The following PAPPA variants were observed in gnomAD, a reference collection of about 807,000 sequenced individuals.
The protein encoded by PAPPA is pappalysin 1.
Under a neutral mutation model 164.0 loss-of-function variants are expected in PAPPA, and 60 were observed. The observed-to-expected ratio is 0.37, with a 90% CI of 0.30 to 0.45. The LOEUF (loss-of-function observed/expected upper bound fraction) is 0.45. Ranked by LOEUF, PAPPA falls within the 20% of genes least tolerant of loss-of-function variation. PAPPA has a pLI of 1.00. For missense variants in PAPPA, 1,782 were observed against 2,087.3 expected, an observed-to-expected ratio of 0.85 and a Z score of 2.85; for synonymous variants, 875 against 814.1, an observed-to-expected ratio of 1.07 and a Z score of -1.27.
intron 5 of PAPPA, among the ~76,000 whole-genome samples, chr9:116,223,018 TCACAGTAC>T (rs1207473311): frequency 6.6e-6 from 1 of 152,210 alleles, no homozygotes; most frequent in African/African-American, 2.4e-5. Flanking sequence ...ACCTATTTGA[TCACAGTAC>T]CACATAAAAT....
chr9:116,170,135 G>T (rs1028074210), intron 1 of PAPPA, among the ~76,000 whole-genome samples: 2 of 151,998 alleles, frequency 1.3e-5, no homozygotes, highest in Admixed American at 6.6e-5. Flanking sequence ...TGCTTAAAGG[G>T]ATATATGTCC....
chr9:116,251,981 C>T (rs745320584), intron 7 of PAPPA, among the ~76,000 whole-genome samples: 1 of 152,128 alleles, frequency 6.6e-6, no homozygotes, highest in Non-Finnish European at 1.5e-5. Flanking sequence ...CCATTCTTTC[C>T]CTTCTATTTT....
rs752227959 is a variant in PAPPA at position 116,235,181 on chromosome 9, C to G, written c.2276C>G (p.Thr759Ser). The change falls in exon 7 of 22, where the codon ACC becomes AGC. Residue 759 changes from threonine to serine, a missense_variant. Thr to Ser is a moderately conservative substitution (Grantham distance 58). Coordinates refer to ENST00000328252, the MANE Select transcript of PAPPA (RefSeq NM_002581.5). ...VEQPCKSSVR[T>S]WSPNSAVNPH... ...CAGCCCTGTAAGTCCAGTGTCCGCA[C>G]CTGGAGCCCAAATTCAGCTGTCAAC... 7 of 1,614,108 alleles carry G rather than the reference C, an allele frequency of 4.3e-6. No homozygotes were observed. The highest frequency in any genetic ancestry group is 2.2e-5 in the East Asian group (1 of 44,878).
chr9:116,296,107 A>T lies in PAPPA; in HGVS notation c.2954-6650A>T, dbSNP rs1845503006. ...GTTCTTAGTGTTAGCTGGGCATCTC[A>T]GAAATGTTTGAGAAGCAATCCCTTG... On this transcript the variant is annotated intron_variant, in intron 9 of 21. Transcript: ENST00000328252. Among the ~76,000 whole-genome samples the T allele has an allele frequency of 2.0e-5, 3 of 152,214 alleles. No homozygotes were observed. In the South Asian group the frequency reaches 6.2e-4, roughly 32 times the overall value.
At chr9:116,250,790 C>T (rs576709222) in intron 7 of PAPPA, among the ~76,000 whole-genome samples, 4 of 152,192 alleles carry the variant, frequency 2.6e-5, no homozygotes, top group Non-Finnish European at 5.9e-5. Context: ...CATTCAATGG[C>T]AGAACAGAGA....
Position 116,187,140 on chromosome 9 carries a change from T to C in PAPPA, c.416-14T>C. 6.4e-7 allele frequency: 1 copy of C among 1,573,448 alleles called. No individual in the cohort carries two copies. The highest frequency in any genetic ancestry group is 1.1e-5 in the South Asian group (1 of 89,374). On this transcript the variant is annotated splice_polypyrimidine_tract_variant and intron_variant, in intron 1 of 21. Coordinates refer to ENST00000328252, the MANE Select transcript of PAPPA (RefSeq NM_002581.5). The surrounding 1 kb of genome is among the most constrained non-coding windows in gnomAD (Gnocchi z 4.2). ...TCCTTTATTTATTCATCTTTCTCTT[T>C]TGGGGCCACATAGGGCTGTATGACA...
At chr9:116,240,688 G>C (rs1445539961) in intron 7 of PAPPA, among the ~76,000 whole-genome samples, 1 of 152,148 alleles carries the variant, frequency 6.6e-6, no homozygotes, top group African/African-American at 2.4e-5. Flanking sequence ...CCTATCCCCA[G>C]ATTATATATA....
intron 20 of PAPPA, among the ~76,000 whole-genome samples, chr9:116,378,511 A>G (rs1846685190): frequency 6.6e-6 from 1 of 152,232 alleles, no homozygotes; most frequent in Admixed American, 6.5e-5. Flanking sequence ...CATGCCCTAG[A>G]AAAAGTCGTA....
At position 116,362,725 on chromosome 9, in the gene PAPPA, A is replaced by T. The variant is rs1005501801; in HGVS notation, c.4481A>T (p.Asp1494Val). Reference sequence around the variant, plus strand: ...AGCAACCTCAAACTGCAGTGCCCTGATGGCTATGCCATAGGTATGATGGGC... The same window carrying T: ...AGCAACCTCAAACTGCAGTGCCCTGTTGGCTATGCCATAGGTATGATGGGC... ...LNSNLKLQCP[D>V]GYAIGSECAT... The change falls in exon 18 of 22, where the codon GAT (aspartate) becomes GTT (valine). Residue 1494 changes from aspartate to valine, a missense_variant. Around this residue, in one of 2 missense-constraint regions of PAPPA, gnomAD observed 1,324 missense variants for 1,656.9 expected, o/e 0.80. Coordinates refer to ENST00000328252, the MANE Select transcript of PAPPA (RefSeq NM_002581.5). 4 of 1,613,700 alleles carry T rather than the reference A, an allele frequency of 2.5e-6. No individual in the cohort carries two copies. The highest frequency in any genetic ancestry group is 3.4e-6 in the Non-Finnish European group (4 of 1,179,808).
In PAPPA at chr9:116,353,720, T is replaced by C; in HGVS notation, c.4274T>C (p.Leu1425Pro). The change falls in exon 17 of 22, where the codon CTC becomes CCC. Residue 1425 changes from leucine (L) to proline (P), a missense_variant. Leu to Pro is a moderately conservative substitution (Grantham distance 98). Coordinates refer to ENST00000328252, the MANE Select transcript of PAPPA (RefSeq NM_002581.5). ...CCACCTCCACCAAAATTCCATGGGCTCTACCAGTGTACTAATGGCTTCCAG... is the reference window on the plus strand; with the variant it reads ...CCACCTCCACCAAAATTCCATGGGCCCTACCAGTGTACTAATGGCTTCCAG... ...CDPPPPKFHG[L>P]YQCTNGFQFN... 1 of 1,614,116 alleles carries C rather than the reference T, an allele frequency of 6.2e-7. No individual in the cohort carries two copies. Among genetic ancestry groups the C allele is most frequent in the Non-Finnish European group, 8.5e-7 (1 of 1,179,976 alleles).
intron 7 of PAPPA, 55 bp downstream of exon 7, chr9:116,235,692 G>C: frequency 6.3e-7 from 1 of 1,576,294 alleles, no homozygotes; most frequent in Admixed American, 1.7e-5. Flanking sequence ...GTGGAGGAAC[G>C]TGAGGTGGGT....
In PAPPA at chr9:116,325,327, C is replaced by G. The variant is rs1253396839; in HGVS notation, c.3148-5917C>G. ...GTTAAATGATATTGTGACTATGAAACCCTTGGTGGATATTATGACTGTGGG... is the reference window on the plus strand; with the variant it reads ...GTTAAATGATATTGTGACTATGAAAGCCTTGGTGGATATTATGACTGTGGG... On this transcript the variant is annotated intron_variant, in intron 10 of 21. Transcript: ENST00000328252. Among the ~76,000 whole-genome samples the G allele has an allele frequency of 2.0e-5, 3 of 152,068 alleles. No homozygotes were observed. The East Asian group carries it at 5.8e-4, about 29-fold the overall frequency.
chr9:116,155,608 A>G (rs552514147), intron 1 of PAPPA, among the ~76,000 whole-genome samples: 1 of 152,262 alleles, frequency 6.6e-6, no homozygotes, highest in Admixed American at 6.5e-5. Flanking sequence ...CACTGCAGCC[A>G]GGAAACGTGT....
At chr9:116,224,192 T>C (rs1337001544) in intron 5 of PAPPA, among the ~76,000 whole-genome samples, 1 of 152,242 alleles carries the variant, frequency 6.6e-6, no homozygotes, top group Non-Finnish European at 1.5e-5. Flanking sequence ...TCCCACAGCC[T>C]GTGTCCTCAC....
rs187124030 is a variant in PAPPA at position 116,335,533 on chromosome 9, A to C, written c.3611+459A>C. 2.0e-3 allele frequency among the ~76,000 whole-genome samples: 303 copies of C among 152,238 alleles called. 1 individual carries two copies. The highest frequency in any genetic ancestry group is 6.8e-3 in the Middle Eastern group (2 of 294). The stretch of plus-strand genomic sequence containing the variant: ...ATCATCCTAGTTCACCGTGTGTTTC[A>C]GGGATAGGTGAAATCTCTATGTCTT... On this transcript the variant is annotated intron_variant, in intron 13 of 21. Coordinates refer to ENST00000328252, the MANE Select transcript of PAPPA (RefSeq NM_002581.5).
chr9:116,233,300 T>C (rs1482468037), intron 6 of PAPPA, among the ~76,000 whole-genome samples: 1 of 152,242 alleles, frequency 6.6e-6, no homozygotes, highest in African/African-American at 2.4e-5. Flanking sequence ...CTAGGAGATG[T>C]GTTTCATATA....
chr9:116,338,728 T>C (rs890213285), intron 13 of PAPPA, among the ~76,000 whole-genome samples: 2 of 152,236 alleles, frequency 1.3e-5, no homozygotes, highest in Admixed American at 1.3e-4. Flanking sequence ...CATGTGTGTG[T>C]CTTTGACTAT....
intron 17 of PAPPA, among the ~76,000 whole-genome samples, chr9:116,354,802 C>T (rs909345420): frequency 1.3e-5 from 2 of 152,190 alleles, no homozygotes; most frequent in African/African-American, 4.8e-5. Context: ...CTTCACATTT[C>T]AGCCAGAGTG....
At chr9:116,393,875 G>A (rs1216742975) in intron 21 of PAPPA, among the ~76,000 whole-genome samples, 1 of 152,170 alleles carries the variant, frequency 6.6e-6, no homozygotes, top group Non-Finnish European at 1.5e-5. Context: ...TAAGATCTGA[G>A]ACTTATGTAG....
Sources: allele counts gnomAD v4.1 joint callset (sites outside exome capture counted in the v4.1 genomes callset), GRCh38; gene constraint gnomAD v4.1.1; regional missense constraint gnomAD v4.1.1; non-coding constraint Gnocchi (gnomAD v3.1); transcripts MANE v1.5; gene names NCBI Gene and HGNC (gene_info 2026-07-23, HGNC 2026-07-21).